Variants in PDE3A observed in about 807,000 individuals in gnomAD.
PDE3A encodes phosphodiesterase 3A.
PDE3A carries 43 observed loss-of-function variants against 98.3 expected under a neutral mutation model. The ratio of observed to expected loss-of-function variants is 0.44; its 90% confidence interval spans 0.34 to 0.56. The LOEUF (loss-of-function observed/expected upper bound fraction) is 0.56. Ranked by LOEUF, PDE3A falls within the 20% of genes least tolerant of loss-of-function variation. The pLI, the probability that PDE3A is intolerant of heterozygous loss-of-function variation, is 0.01. For synonymous variants in PDE3A, 663 were observed against 567.9 expected (o/e 1.17, Z -2.38); for missense variants, 1,427 against 1,440.7 (o/e 0.99, Z 0.15).
chr12:20,669,955 A>G (rs1313168911), intron 15 of PDE3A, among the ~76,000 whole-genome samples: 2 of 152,112 alleles, frequency 1.3e-5, no homozygotes, highest in African/African-American at 4.8e-5. Context: ...CAGGAAACCC[A>G]TCTCACGTGC....
In PDE3A at chr12:20,370,180, A is replaced by G. The variant is rs765353290; in HGVS notation, c.896A>G (p.Glu299Gly). 2.5e-6 allele frequency: 4 copies of G among 1,611,592 alleles called. No homozygotes were observed. The highest frequency in any genetic ancestry group is 3.4e-6 in the Non-Finnish European group (4 of 1,179,062). ...RRRSSSVVSA[E>G]MSGCSSKSHR... Reference sequence around the variant, plus strand: ...CGGTCCAGCTCCGTCGTGTCCGCCGAGATGTCCGGCTGCAGCAGCAAGTCC... The same window carrying G: ...CGGTCCAGCTCCGTCGTGTCCGCCGGGATGTCCGGCTGCAGCAGCAAGTCC... Residue 299 changes from glutamate (E) to glycine (G), a missense_variant, in exon 1 of 16, where the codon GAG becomes GGG. Physicochemically the swap from Glu to Gly is moderately conservative, Grantham distance 98. Coordinates refer to ENST00000359062, the MANE Select transcript of PDE3A (RefSeq NM_000921.5).
intron 1 of PDE3A, chr12:20,551,927 G>A (rs542136950): frequency 3.7e-6 from 6 of 1,612,992 alleles, no homozygotes; most frequent in East Asian, 2.2e-5. Flanking sequence ...TGGCGGTTCC[G>A]AGTCCAGGTC....
chr12:20,387,823 A>G (rs1943840131), intron 1 of PDE3A, among the ~76,000 whole-genome samples: 1 of 152,026 alleles, frequency 6.6e-6, no homozygotes, highest in African/African-American at 2.4e-5. Context: ...TGTGAAATGA[A>G]GAGTTTTTAA....
At chr12:20,618,833 G>C (rs898236015) in intron 4 of PDE3A, among the ~76,000 whole-genome samples, 1 of 151,962 alleles carries the variant, frequency 6.6e-6, no homozygotes, top group African/African-American at 2.4e-5. Context: ...CAAAAAGAAG[G>C]CAGTAAACTT....
At position 20,370,016 on chromosome 12, in the gene PDE3A, CGGCGTGCTGGGG is replaced by C; in HGVS notation, c.733_744del (p.Gly245_Gly248del). 1 of 1,612,990 alleles carries C rather than the reference CGGCGTGCTGGGG, an allele frequency of 6.2e-7. No homozygotes were observed. Among genetic ancestry groups the C allele is most frequent in the South Asian group, 1.1e-5 (1 of 91,078 alleles). On this transcript the variant is annotated inframe_deletion, in exon 1 of 16. Coordinates refer to ENST00000359062, the MANE Select transcript of PDE3A (RefSeq NM_000921.5). ...GGAGACCTTACCTGGCGTACCTGGC[CGGCGTGCTGGGG>C]ATCCTCTTGGCCAGGTACGTGGAAC...
intron 1 of PDE3A, among the ~76,000 whole-genome samples, chr12:20,447,561 T>C (rs1283056571): frequency 1.3e-5 from 2 of 152,192 alleles, no homozygotes; most frequent in Non-Finnish European, 2.9e-5. Flanking sequence ...GACTTCTGGA[T>C]AGCTGAACAT....
At chr12:20,385,986 TATATATAAA>T (rs1448257213) in intron 1 of PDE3A, among the ~76,000 whole-genome samples, 18 of 106,974 alleles carry the variant, frequency 1.7e-4, no homozygotes, top group African/African-American at 6.3e-4. Flanking sequence ...TAATATATAA[TATATATAAA>T]ATATATATAT....
intron 2 of PDE3A, among the ~76,000 whole-genome samples, chr12:20,605,727 T>C (rs1291668246): frequency 6.6e-6 from 1 of 152,208 alleles, no homozygotes; most frequent in African/African-American, 2.4e-5. Context: ...TTGAAGTATA[T>C]AGCATTTCTA....
chr12:20,638,939 A>G (rs1944582197), intron 9 of PDE3A, among the ~76,000 whole-genome samples: 1 of 152,128 alleles, frequency 6.6e-6, no homozygotes, highest in South Asian at 2.1e-4. Flanking sequence ...GTCATATAGT[A>G]AATATTCAAC....
At chr12:20,655,041 T>G (rs1445451352) in intron 15 of PDE3A, among the ~76,000 whole-genome samples, 1 of 152,150 alleles carries the variant, frequency 6.6e-6, no homozygotes, top group Non-Finnish European at 1.5e-5. Flanking sequence ...AATAAAATCC[T>G]TGCCCTTATA....
chr12:20,380,872 A>G (rs888768038), intron 1 of PDE3A, among the ~76,000 whole-genome samples: 4 of 151,872 alleles, frequency 2.6e-5, no homozygotes, highest in Non-Finnish European at 4.4e-5. Context: ...TAATTAAGCT[A>G]TTTGTGAGTT....
chr12:20,559,365 A>G (rs929109458), intron 2 of PDE3A, among the ~76,000 whole-genome samples: 2 of 151,980 alleles, frequency 1.3e-5, no homozygotes, highest in African/African-American at 2.4e-5. Context: ...TGACATATAT[A>G]CAAAGTGTAA....
intron 1 of PDE3A, among the ~76,000 whole-genome samples, chr12:20,391,198 T>C (rs549904787): frequency 1.3e-3 from 201 of 151,858 alleles, no homozygotes; most frequent in South Asian, 2.9e-3. Flanking sequence ...CCTTGTAAAA[T>C]TATCAGGTTG....
At chr12:20,623,145 T>G (rs182072749) in intron 5 of PDE3A, among the ~76,000 whole-genome samples, 3 of 152,154 alleles carry the variant, frequency 2.0e-5, no homozygotes, top group Middle Eastern at 3.4e-3. Context: ...ATTATTAAAC[T>G]GGGTAGAGAA....
At chr12:20,466,277 T>A (rs1386001532) in intron 1 of PDE3A, among the ~76,000 whole-genome samples, 1 of 152,216 alleles carries the variant, frequency 6.6e-6, no homozygotes, top group African/African-American at 2.4e-5. Flanking sequence ...AGCTACAATC[T>A]GTGAATGAAA....
At chr12:20,658,330 C>T (rs768428163) in intron 15 of PDE3A, among the ~76,000 whole-genome samples, 12 of 152,254 alleles carry the variant, frequency 7.9e-5, no homozygotes, top group Middle Eastern at 3.4e-3. Context: ...CTCCTTTTCA[C>T]CCAGTGTTAT....
At chr12:20,419,255 C>T (rs1263262079) in intron 1 of PDE3A, among the ~76,000 whole-genome samples, 1 of 151,322 alleles carries the variant, frequency 6.6e-6, no homozygotes, top group East Asian at 1.9e-4. Flanking sequence ...TCTTAAATGC[C>T]GTTTCTTTTT....
At chr12:20,488,183 CCT>C (rs1358569710) in intron 1 of PDE3A, among the ~76,000 whole-genome samples, 1 of 151,998 alleles carries the variant, frequency 6.6e-6, no homozygotes, top group Non-Finnish European at 1.5e-5. Context: ...TCCCAGTCAA[CCT>C]CTCTCTTTTT....
chr12:20,526,926 GTGTGTGTT>G (rs1244586082), intron 1 of PDE3A, among the ~76,000 whole-genome samples: 6 of 146,608 alleles, frequency 4.1e-5, no homozygotes, highest in Non-Finnish European at 9.0e-5. Context: ...GTGTGTGTGT[GTGTGTGTT>G]TGAGACCAAG....
Sources: allele counts gnomAD v4.1 joint callset (sites outside exome capture counted in the v4.1 genomes callset), GRCh38; gene constraint gnomAD v4.1.1; transcripts MANE v1.5; gene names NCBI Gene and HGNC (gene_info 2026-07-23, HGNC 2026-07-21).